Variants in EXOSC1 observed in about 807,000 individuals in gnomAD.
EXOSC1 encodes exosome component 1, also known as exosome complex component CSL4.
In EXOSC1, 27 loss-of-function variants were observed where a neutral mutation model predicts 31.4. The ratio of observed to expected loss-of-function variants is 0.86; its 90% CI spans 0.63 to 1.18. The LOEUF (loss-of-function observed/expected upper bound fraction) is 1.18, where lower values mean the gene tolerates loss of function less well. Among genes scored for constraint, EXOSC1 ranks in the 50% most tolerant of loss-of-function variants. The pLI, the probability that EXOSC1 is intolerant of heterozygous loss-of-function variation, is 0.00. For synonymous variants in EXOSC1, 84 were observed against 89.5 expected, an observed-to-expected ratio of 0.94 and a Z score of 0.35; for missense variants, 228 against 250.3, an observed-to-expected ratio of 0.91 and a Z score of 0.60.
chr10:97,436,892 C>T (rs1167652907), intron 7 of EXOSC1, among the ~76,000 whole-genome samples: 2 of 152,042 alleles, frequency 1.3e-5, no homozygotes, highest in Non-Finnish European at 2.9e-5. Context: ...GGTGTGGTGG[C>T]GTGTGTCTGT....
chr10:97,439,151 G>C (rs1845638137), intron 4 of EXOSC1, among the ~76,000 whole-genome samples: 1 of 152,246 alleles, frequency 6.6e-6, no homozygotes, highest in Admixed American at 6.5e-5. Flanking sequence ...CAGAGGAGCA[G>C]GGTGGAGAAG....
At chr10:97,439,843 G>C (rs1195233358) in intron 4 of EXOSC1, among the ~76,000 whole-genome samples, 1 of 152,194 alleles carries the variant, frequency 6.6e-6, no homozygotes, top group East Asian at 1.9e-4. Context: ...TGCCTGGCAA[G>C]AAATGTTTGT....
Position 97,436,310 on chromosome 10 carries a change from C to A in EXOSC1, c.*135G>T, listed in dbSNP as rs544559760. The A allele has an allele frequency of 4.1e-4, 281 of 677,156 alleles. 1 individual carries two copies. The African/African-American group carries it at 4.9e-3, about 12-fold the overall frequency. 41.9% of individuals were successfully genotyped at this position (677,156 alleles called of 1,614,324 possible). On this transcript the variant is annotated 3_prime_UTR_variant, in exon 8 of 8. Transcript: ENST00000370902. ...CTGATAGGTTCACAGAAACATGTTCCATCTACAGCGTAAACTGGAAGATTT... is the reference window on the plus strand; with the variant it reads ...CTGATAGGTTCACAGAAACATGTTCAATCTACAGCGTAAACTGGAAGATTT...
rs1428483102 is a variant in EXOSC1 at position 97,437,373 on chromosome 10, T to TG, written c.397-99dup. ...TTTCTACCTTTTTTTTTTTCTGAGA[T>TG]GGAGTCTTGCTCCGTTAACCAGGCT... is the stretch of plus-strand genomic sequence containing the variant. On this transcript the variant is annotated intron_variant, in intron 6 of 7. Coordinates refer to ENST00000370902, the MANE Select transcript of EXOSC1 (RefSeq NM_016046.5). 2.2e-5 allele frequency: 20 copies of TG among 921,948 alleles called. No homozygotes were observed. In the African/African-American group the frequency reaches 3.0e-4, roughly 14 times the overall value. 57.1% of individuals were successfully genotyped at this position (921,948 alleles called of 1,614,324 possible). A position where few individuals can be genotyped will look rare whatever the true frequency, so the allele number is the denominator to read the frequency against.
In EXOSC1 at chr10:97,438,201, T is replaced by G. The variant is rs375099634; in HGVS notation, c.346-451A>C. Among the ~76,000 whole-genome samples the G allele has an allele frequency of 1.1e-3, 169 of 151,874 alleles. 1 individual carries two copies. The highest frequency in any genetic ancestry group is 1.3e-3 in the Non-Finnish European group (90 of 67,928). ...CAAAGAGCTGGGATTACAGGTGTGA[T>G]CCACTGCACCCGGCCCTTTTTTCTT... is the stretch of plus-strand genomic sequence containing the variant. On this transcript the variant is annotated intron_variant, in intron 5 of 7. Transcript: ENST00000370902.
Position 97,445,904 on chromosome 10 carries a change from C to A in EXOSC1, c.31+51G>T, listed in dbSNP as rs756922615. The A allele has an allele frequency of 6.8e-6, 11 of 1,613,870 alleles. No individual in the cohort carries two copies. In the East Asian group the frequency reaches 2.0e-4, roughly 29 times the overall value. On this transcript the variant is annotated intron_variant, in intron 1 of 7. Transcript: ENST00000370902. ...CCCCAGAAGCTGTAGGCCGTTTAGC[C>A]TTCTTGCTTCAGCCCCTATCCAGGA...
At chr10:97,438,327 C>T (rs1229492850) in intron 5 of EXOSC1, among the ~76,000 whole-genome samples, 1 of 151,988 alleles carries the variant, frequency 6.6e-6, no homozygotes, top group Non-Finnish European at 1.5e-5. Context: ...AGGGATCCTC[C>T]TGCCTCAGCC....
rs544343543 is a variant in EXOSC1 at position 97,438,051 on chromosome 10, C to G, written c.346-301G>C. On this transcript the variant is annotated intron_variant, in intron 5 of 7. Coordinates refer to ENST00000370902, the MANE Select transcript of EXOSC1 (RefSeq NM_016046.5). Reference sequence around the variant, plus strand: ...TCTCCTGCCTCAGCCTCCTGAGTAGCTGGGATTATAGGTGCATGGCACGAC... The same window carrying G: ...TCTCCTGCCTCAGCCTCCTGAGTAGGTGGGATTATAGGTGCATGGCACGAC... Among the ~76,000 whole-genome samples the G allele has an allele frequency of 2.6e-4, 39 of 152,044 alleles. No individual in the cohort carries two copies. The East Asian group carries it at 6.8e-3, about 26-fold the overall frequency.
chr10:97,444,664 T>G (rs1845843729), intron 2 of EXOSC1: 1 of 152,252 alleles, frequency 6.6e-6, no homozygotes, highest in African/African-American at 2.4e-5. Flanking sequence ...AAGTGATATC[T>G]ATGAAATGAA....
chr10:97,438,448 T>C (rs12250338), intron 5 of EXOSC1, among the ~76,000 whole-genome samples: 27,227 of 151,768 alleles, frequency 0.18, 2,815 homozygotes, highest in African/African-American at 0.28. Flanking sequence ...AGGCATGAGC[T>C]ACCATGCCTG....
Position 97,441,309 on chromosome 10 carries a change from C to T in EXOSC1, c.223-50G>A, listed in dbSNP as rs199752564. On this transcript the variant is annotated intron_variant, in intron 3 of 7. Coordinates refer to ENST00000370902, the MANE Select transcript of EXOSC1 (RefSeq NM_016046.5). ...ATCAGAGTATAAGCAGTTGTCAGCT[C>T]AAGGAGGCAGCAATAAACTGGGGAT... is the stretch of plus-strand genomic sequence containing the variant. The T allele has an allele frequency of 5.4e-5, 82 of 1,529,708 alleles. No homozygotes were observed. In the African/African-American group the frequency reaches 1.0e-3, roughly 19 times the overall value. The allele number at this position is 1,529,708 out of a possible 1,614,324, so 94.8% of individuals were successfully genotyped here. A position where few individuals can be genotyped will look rare whatever the true frequency, so the allele number is the denominator to read the frequency against.
At chr10:97,438,066 C>G (rs1257960814) in intron 5 of EXOSC1, among the ~76,000 whole-genome samples, 2 of 151,846 alleles carry the variant, frequency 1.3e-5, no homozygotes, top group Non-Finnish European at 2.9e-5. Context: ...ATTATAGGTG[C>G]ATGGCACGAC....
intron 2 of EXOSC1, 85 bp downstream of exon 2, chr10:97,445,647 G>A (rs1415353175): frequency 7.8e-7 from 1 of 1,278,518 alleles, no homozygotes; most frequent in Non-Finnish European, 1.1e-6. Flanking sequence ...CTAAAGACGC[G>A]TCCGCAGTGC....
At chr10:97,443,361 C>A in intron 2 of EXOSC1, 50 bp from the exon 3 acceptor site, 1 of 1,542,674 alleles carries the variant, frequency 6.5e-7, no homozygotes, top group South Asian at 1.1e-5. Context: ...ACCCTTGGGT[C>A]AAGGCATTTG....
chr10:97,436,577 GC>G, intron 7 of EXOSC1, 26 bp from the exon 8 acceptor site: 1 of 1,563,624 alleles, frequency 6.4e-7, no homozygotes, highest in East Asian at 2.4e-5. Context: ...TGGTGGTGGA[GC>G]CCAGACCCCA....
intron 4 of EXOSC1, among the ~76,000 whole-genome samples, chr10:97,440,153 G>A (rs912115958): frequency 1.3e-5 from 2 of 151,432 alleles, no homozygotes; most frequent in Admixed American, 6.6e-5. Context: ...TGTATTTTTA[G>A]TAGAGACGGT....
At chr10:97,440,515 ATT>A (rs397846677) in intron 4 of EXOSC1, among the ~76,000 whole-genome samples, 300 of 124,148 alleles carry the variant, frequency 2.4e-3, no homozygotes, top group Non-Finnish European at 3.2e-3. Context: ...TGCCCAGCTA[ATT>A]TTTTTTTTTT....
intron 2 of EXOSC1, 41 bp from the exon 3 acceptor site, chr10:97,443,352 C>T (rs190038400): frequency 6.3e-7 from 1 of 1,577,804 alleles, no homozygotes; most frequent in East Asian, 2.2e-5. Context: ...TCCTGACTAA[C>T]CCTTGGGTCA....
intron 2 of EXOSC1, chr10:97,445,509 A>G (rs1032702517): frequency 6.9e-6 from 4 of 580,232 alleles, no homozygotes; most frequent in African/African-American, 1.9e-5. Context: ...TTTTGTCCCA[A>G]CTTCCCTCCC....
Sources: gnomAD v4.1 joint callset for allele counts (sites outside exome capture counted in the v4.1 genomes callset) on GRCh38, gnomAD v4.1.1 for gene constraint, MANE v1.5 for transcripts, NCBI Gene and HGNC (gene_info 2026-07-23, HGNC 2026-07-21) for gene names.